ATP2C1: variants seen among roughly 807,000 people sequenced by gnomAD.
ATP2C1 encodes calcium-transporting ATPase type 2C member 1.
A neutral mutation model predicts 120.5 loss-of-function variants in ATP2C1; 31 were observed. That is an observed-to-expected ratio of 0.26 (90% CI 0.19 to 0.35). The LOEUF (loss-of-function observed/expected upper bound fraction) is 0.35. Ranked by LOEUF, ATP2C1 falls within the 10% of genes least tolerant of loss-of-function variation. The pLI is 1.00. For missense variants in ATP2C1, 731 were observed against 1,107.5 expected (o/e 0.66, Z 4.83); for synonymous variants, 351 against 358.7 (o/e 0.98, Z 0.24).
chr3:130,919,011 CA>C lies in ATP2C1; in HGVS notation c.7-11400del, dbSNP rs530101335. ...CGTCTTAAACAAACAAACAAACAAA[CA>C]AAAAGCAGTAGCGGTGGAAGCTCCT... On this transcript the variant is annotated intron_variant, in intron 2 of 27. Transcript: ENST00000510168. The C allele has an allele frequency of 5.9e-4, 261 of 445,820 alleles. 5 individuals carry two copies. The highest frequency in any genetic ancestry group is 4.3e-3 in the South Asian group (254 of 58,540). The allele number at this position is 445,820 out of a possible 1,614,324, so 27.6% of individuals were successfully genotyped here. A position where few individuals can be genotyped will look rare whatever the true frequency, so the allele number is the denominator to read the frequency against.
In ATP2C1 at chr3:130,877,529, C is replaced by T. The variant is rs534142354; in HGVS notation, c.108+26601C>T. Among the ~76,000 whole-genome samples, 6 of 152,226 alleles carry T rather than the reference C, an allele frequency of 3.9e-5. No individual in the cohort carries two copies. In the South Asian group the frequency reaches 1.2e-3, roughly 32 times the overall value. On this transcript the variant is annotated intron_variant, in intron 1 of 26. Transcript: ENST00000504381. ...AAGACATTTATGCAGCCGACAGACC[C>T]ATGAAAAAATGCTCATCATCACTGG... is the stretch of plus-strand genomic sequence containing the variant.
intron 1 of ATP2C1, among the ~76,000 whole-genome samples, chr3:130,885,614 A>G (rs938064224): frequency 1.8e-5 from 2 of 111,836 alleles, no homozygotes; most frequent in African/African-American, 5.2e-5. Context: ...TAAAAAAAAG[A>G]AAACTAATAG....
intron 17 of ATP2C1, among the ~76,000 whole-genome samples, chr3:130,973,457 T>A (rs1377591357): frequency 6.6e-6 from 1 of 152,172 alleles, no homozygotes; most frequent in East Asian, 1.9e-4. Flanking sequence ...TGCTAGTGGA[T>A]GCCTGAAACC....
At chr3:130,966,826 A>G (rs1245480694) in intron 14 of ATP2C1, among the ~76,000 whole-genome samples, 1 of 152,180 alleles carries the variant, frequency 6.6e-6, no homozygotes, top group East Asian at 1.9e-4. Context: ...TGCAAACTGT[A>G]GTATGCTATA....
chr3:130,897,531 G>T (rs1229737594), intron 2 of ATP2C1, among the ~76,000 whole-genome samples: 2 of 152,178 alleles, frequency 1.3e-5, no homozygotes, highest in Admixed American at 6.5e-5. Flanking sequence ...CCTCCAGTAG[G>T]TATGCAGGTA....
chr3:130,964,179 A>G (rs547805881), intron 13 of ATP2C1, 84 bp downstream of exon 13: 325 of 1,575,604 alleles, frequency 2.1e-4, no homozygotes, highest in Non-Finnish European at 2.6e-4. Flanking sequence ...TACAGTTTTT[A>G]TCTTAGAGAT....
intron 2 of ATP2C1, among the ~76,000 whole-genome samples, chr3:130,907,417 C>T (rs564572260): frequency 1.5e-4 from 23 of 152,144 alleles, no homozygotes; most frequent in African/African-American, 3.6e-4. Flanking sequence ...TTAACTCTCA[C>T]GCTTGATCCA....
At chr3:130,896,427 T>C (rs1049493621) in intron 2 of ATP2C1, among the ~76,000 whole-genome samples, 2 of 152,196 alleles carry the variant, frequency 1.3e-5, no homozygotes, top group African/African-American at 4.8e-5. Context: ...TTCTGTCCCG[T>C]TATTCTTGAC....
At chr3:130,863,892 G>C (rs530028986) in intron 1 of ATP2C1, among the ~76,000 whole-genome samples, 2 of 152,246 alleles carry the variant, frequency 1.3e-5, no homozygotes, top group Non-Finnish European at 2.9e-5. Flanking sequence ...AACCTCTTTT[G>C]CTTCCCAGTC....
At chr3:130,877,138 A>G (rs560982833) in intron 1 of ATP2C1, among the ~76,000 whole-genome samples, 1 of 152,308 alleles carries the variant, frequency 6.6e-6, no homozygotes, top group East Asian at 1.9e-4. Flanking sequence ...ATATAAGTAT[A>G]GCTACTCCTA....
chr3:130,862,188 T>C (rs1484473420), intron 1 of ATP2C1, among the ~76,000 whole-genome samples: 1 of 151,304 alleles, frequency 6.6e-6, no homozygotes, highest in Non-Finnish European at 1.5e-5. Context: ...TTTCACCGTG[T>C]TAGCCAGGAT....
At chr3:130,911,152 C>G (rs1462979715) in intron 2 of ATP2C1, among the ~76,000 whole-genome samples, 1 of 143,708 alleles carries the variant, frequency 7.0e-6, no homozygotes, top group African/African-American at 2.6e-5. Context: ...TTCAGAGATT[C>G]AACTTCTTCC....
chr3:130,941,177 G>A (rs1032723101), intron 7 of ATP2C1, among the ~76,000 whole-genome samples: 1 of 151,824 alleles, frequency 6.6e-6, no homozygotes, highest in African/African-American at 2.4e-5. Flanking sequence ...GCCTCCCAAA[G>A]TGTTGGGATT....
chr3:131,011,943 T>C (rs547379535), intron 26 of ATP2C1, among the ~76,000 whole-genome samples: 2 of 152,288 alleles, frequency 1.3e-5, no homozygotes, highest in African/African-American at 2.4e-5. Context: ...GGAGAAGATA[T>C]ACACCAGAGT....
intron 1 of ATP2C1, among the ~76,000 whole-genome samples, chr3:130,853,340 G>A (rs976101389): frequency 3.3e-5 from 5 of 152,140 alleles, no homozygotes; most frequent in African/African-American, 1.2e-4. Context: ...GGGTGAGGAT[G>A]GAAAGGAATT....
chr3:130,952,223 A>G (rs535716927), intron 8 of ATP2C1, among the ~76,000 whole-genome samples: 49 of 152,240 alleles, frequency 3.2e-4, no homozygotes, highest in African/African-American at 1.2e-3. Flanking sequence ...TCACTTTCCC[A>G]TTAATATCCA....
Position 130,994,007 on chromosome 3 carries a change from G to C in ATP2C1, c.1966G>C (p.Asp656His), listed in dbSNP as rs1300180128. 1 of 1,614,188 alleles carries C rather than the reference G, an allele frequency of 6.2e-7. No homozygotes were observed. Among genetic ancestry groups the C allele is most frequent in the Non-Finnish European group, 8.5e-7 (1 of 1,180,026 alleles). ...TGATGCAGTTGCTCTGAAGGCTGCA[G>C]ACATTGGAGTTGCGATGGGCCAGAC... is the stretch of plus-strand genomic sequence containing the variant. Reference protein sequence around the residue: ...VNDAVALKAADIGVAMGQTGT... With the variant: ...VNDAVALKAAHIGVAMGQTGT... Residue 656 changes from aspartate (D) to histidine (H), a missense_variant, in exon 22 of 28, where the codon GAC (aspartate) becomes CAC (histidine). This residue lies in a region of ATP2C1 where 571 missense variants were observed against 845.9 expected (regional missense o/e 0.67). Transcript: ENST00000510168.
At chr3:130,957,893 T>C (rs1312492238) in intron 11 of ATP2C1, among the ~76,000 whole-genome samples, 1 of 152,188 alleles carries the variant, frequency 6.6e-6, no homozygotes, top group East Asian at 1.9e-4. Flanking sequence ...ACTTTGTAAA[T>C]AGTAATTCTG....
intron 2 of ATP2C1, chr3:130,899,505 A>AGT (rs2069952296): frequency 6.6e-6 from 1 of 152,232 alleles, no homozygotes; most frequent in Non-Finnish European, 1.5e-5. Context: ...GAGTAGGCTG[A>AGT]AGAAAAGGAG....
Sources: gnomAD v4.1 joint callset for allele counts (sites outside exome capture counted in the v4.1 genomes callset) on GRCh38, gnomAD v4.1.1 for gene constraint, gnomAD v4.1.1 regional missense constraint, MANE v1.5 for transcripts, NCBI Gene and HGNC (gene_info 2026-07-23, HGNC 2026-07-21) for gene names.